TLCD3B: variants seen among roughly 807,000 people sequenced by gnomAD.
TLCD3B encodes the protein ceramide synthase.
Under a neutral mutation model 23.0 loss-of-function variants are expected in TLCD3B, and 9 were observed. The ratio of observed to expected loss-of-function variants is 0.39; its 90% CI spans 0.24 to 0.68. The LOEUF (loss-of-function observed/expected upper bound fraction) is 0.68. Among genes scored for constraint, TLCD3B ranks in the 30% least tolerant of loss-of-function variants. The pLI is 0.44. For synonymous variants in TLCD3B, 161 were observed against 161.0 expected (o/e 1.00, Z 0.00); for missense variants, 307 against 371.8 (o/e 0.83, Z 1.43).
Position 30,029,678 on chromosome 16 carries a change from C to T in TLCD3B, c.126-163G>A, listed in dbSNP as rs1314996394. On this transcript the variant is annotated intron_variant, in intron 1 of 4. Coordinates refer to ENST00000380495, the MANE Select transcript of TLCD3B (RefSeq NM_031478.6). The surrounding 1 kb of genome is among the most constrained non-coding windows in gnomAD (Gnocchi z 4.6). ...GCTGGGCTGCCTGAGGTGTGCCCCA[C>T]CACAGGTACCTCACGGCTCTCCGGC... is the stretch of plus-strand genomic sequence containing the variant. The T allele has an allele frequency of 1.5e-6, 1 of 650,218 alleles. No individual in the cohort carries two copies. The highest frequency in any genetic ancestry group is 2.8e-6 in the Non-Finnish European group (1 of 363,074). The allele number at this position is 650,218 out of a possible 1,614,324, so 40.3% of individuals were successfully genotyped here. A position where few individuals can be genotyped will look rare whatever the true frequency, so the allele number is the denominator to read the frequency against.
chr16:30,030,411 G>T lies in TLCD3B; in HGVS notation c.117C>A (p.Val39=). The part of the protein sequence containing the change: ...LRWEEADAVI[V]SARLVSSVQA... ...GAAAGAAAGTGGTTTACCTGGCTGA[G>T]ACAATGACTGCGTCGGCCTCCTCCC... Residue 39 remains valine (V), a synonymous_variant, in exon 1 of 5, where the codon GTC becomes GTA. Coordinates refer to ENST00000380495, the MANE Select transcript of TLCD3B (RefSeq NM_031478.6). 3.8e-6 allele frequency: 6 copies of T among 1,582,798 alleles called. No homozygotes were observed. Among genetic ancestry groups the T allele is most frequent in the Non-Finnish European group, 5.1e-6 (6 of 1,167,422 alleles).
chr16:30,026,893 A>G, intron 2 of TLCD3B, 50 bp from the exon 3 acceptor site: 4 of 1,509,404 alleles, frequency 2.7e-6, no homozygotes, highest in South Asian at 1.2e-5. Flanking sequence ...AGGGGACACC[A>G]GTGATTGGGG....
At chr16:30,039,098 C>CCT (rs1365426260) in intron 3 of TLCD3B, among the ~76,000 whole-genome samples, 1 of 84,250 alleles carries the variant, frequency 1.2e-5, no homozygotes, top group South Asian at 4.0e-4. Flanking sequence ...CCTCCTCCTT[C>CCT]CTCTCTTTTT....
chr16:30,035,766 CTTT>C (rs34249003), upstream of TLCD3B, among the ~76,000 whole-genome samples: 1 of 137,164 alleles, frequency 7.3e-6, no homozygotes. Context: ...TTTCTTTTTT[CTTT>C]TTTTTTTTTT....
At chr16:30,035,176 T>G, upstream of TLCD3B, 1 of 626,800 alleles carries the variant, frequency 1.6e-6, no homozygotes, top group Non-Finnish European at 2.3e-6. Context: ...CTTCCCAAAG[T>G]GCTGGAATTA....
chr16:30,031,926 G>T (rs762409225), upstream of TLCD3B, among the ~76,000 whole-genome samples: 1 of 152,210 alleles, frequency 6.6e-6, no homozygotes, highest in Non-Finnish European at 1.5e-5. Flanking sequence ...GGTGGCGAGA[G>T]CGCGGGGCAG....
In TLCD3B at chr16:30,051,521, CAAAAAAA is replaced by C. The variant is rs199594296; in HGVS notation, c.-294+1246_-294+1252del. ...GGGCGACAAGAGCAAAACTCCGTTT[CAAAAAAA>C]AAAAAAAAAAAGAAAAGAAAAGAAA... On this transcript the variant is annotated intron_variant, in intron 1 of 6. Coordinates refer to the TLCD3B transcript ENST00000561666. 2.3e-3 allele frequency among the ~76,000 whole-genome samples: 146 copies of C among 62,862 alleles called. 4 individuals are homozygous for C. Among genetic ancestry groups the C allele is most frequent in the Admixed American group, 1.3e-3 (7 of 5,598 alleles). 41.2% of individuals were successfully genotyped at this position (62,862 alleles called of 152,430 possible).
chr16:30,030,042 T>C, intron 1 of TLCD3B: 1 of 1,340,206 alleles, frequency 7.5e-7, no homozygotes, highest in Non-Finnish European at 9.9e-7. Context: ...CCTCCATCCC[T>C]GGCCCCCAAA....
intron 1 of TLCD3B, among the ~76,000 whole-genome samples, chr16:30,051,210 C>T (rs934709098): frequency 1.3e-5 from 2 of 151,868 alleles, no homozygotes; most frequent in African/African-American, 2.4e-5. Context: ...GCCTGGCCAA[C>T]ATAGTGAGAC....
chr16:30,041,716 T>C (rs565893006), intron 2 of TLCD3B, among the ~76,000 whole-genome samples: 13 of 146,168 alleles, frequency 8.9e-5, no homozygotes, highest in African/African-American at 3.3e-4. Context: ...AGTGGGACTC[T>C]GTCTCAAAAA....
intron 2 of TLCD3B, among the ~76,000 whole-genome samples, chr16:30,027,358 AGGTAGGTGTG>A (rs1190934174): frequency 1.3e-5 from 2 of 152,204 alleles, no homozygotes; most frequent in African/African-American, 2.4e-5. Flanking sequence ...ACCCTGTAAA[AGGTAGGTGTG>A]GCCATCATCC....
At chr16:30,035,406 G>A (rs1423547465), upstream of TLCD3B, 1 of 1,289,648 alleles carries the variant, frequency 7.8e-7, no homozygotes, top group South Asian at 1.2e-5. Flanking sequence ...GTGTGGTTCT[G>A]CAAGCCCCAG....
At chr16:30,026,057 C>A (rs937068254) in intron 3 of TLCD3B, among the ~76,000 whole-genome samples, 1 of 152,090 alleles carries the variant, frequency 6.6e-6, no homozygotes, top group Non-Finnish European at 1.5e-5. Flanking sequence ...CATGGTGAAA[C>A]CCCGTCTGTA....
upstream of TLCD3B, among the ~76,000 whole-genome samples, chr16:30,035,793 ACTCTT>A (rs2071461085): frequency 2.3e-5 from 3 of 130,696 alleles, no homozygotes; most frequent in South Asian, 7.0e-4. Context: ...ATGCAGTCTT[ACTCTT>A]GTTGCCCAGG....
intron 2 of TLCD3B, 97 bp from the exon 3 acceptor site, chr16:30,026,940 G>A: frequency 9.4e-7 from 1 of 1,058,964 alleles, no homozygotes; most frequent in Non-Finnish European, 1.4e-6. Flanking sequence ...CCCTGGACAG[G>A]AGCGGAGTCT....
upstream of TLCD3B, chr16:30,035,289 G>A: frequency 7.8e-7 from 1 of 1,279,138 alleles, no homozygotes; most frequent in Non-Finnish European, 1.0e-6. Context: ...CATTCTGAAA[G>A]TAAAAGATCA....
chr16:30,045,003 G>T (rs1053868085), intron 2 of TLCD3B, among the ~76,000 whole-genome samples: 1 of 131,844 alleles, frequency 7.6e-6, no homozygotes, highest in African/African-American at 2.8e-5. Flanking sequence ...TGAGGCAGAA[G>T]AATTGCTTGA....
At chr16:30,046,013 G>A (rs1258107126) in intron 2 of TLCD3B, among the ~76,000 whole-genome samples, 1 of 152,096 alleles carries the variant, frequency 6.6e-6, no homozygotes, top group African/African-American at 2.4e-5. Flanking sequence ...AGGAGGCTGA[G>A]GTGAGAGGAT....
At chr16:30,047,378 G>A (rs1253135622) in intron 1 of TLCD3B, among the ~76,000 whole-genome samples, 1 of 152,006 alleles carries the variant, frequency 6.6e-6, no homozygotes, top group Non-Finnish European at 1.5e-5. Flanking sequence ...CTGGAGTCCA[G>A]TGGTGCAATC....
Sources: allele counts gnomAD v4.1 joint callset (sites outside exome capture counted in the v4.1 genomes callset), GRCh38; gene constraint gnomAD v4.1.1; non-coding constraint Gnocchi (gnomAD v3.1); transcripts MANE v1.5; gene names NCBI Gene and HGNC (gene_info 2026-07-23, HGNC 2026-07-21).